NFYC: variants seen among roughly 807,000 people sequenced by gnomAD.
NFYC encodes the protein CAAT box DNA-binding protein subunit C.
NFYC carries 25 observed loss-of-function variants against 53.1 expected under a neutral mutation model. The observed-to-expected ratio is 0.47, with a 90% CI of 0.34 to 0.66. The LOEUF is 0.66. NFYC is among the 30% of genes least tolerant of loss of function. The pLI, the probability that NFYC is intolerant of heterozygous loss-of-function variation, is 0.01. For synonymous variants in NFYC, 145 were observed against 152.6 expected (o/e 0.95, Z 0.37); for missense variants, 260 against 422.7 (o/e 0.62, Z 3.38).
At chr1:40,704,351 G>A (rs1383831840) in intron 1 of NFYC, among the ~76,000 whole-genome samples, 1 of 152,204 alleles carries the variant, frequency 6.6e-6, no homozygotes, top group Non-Finnish European at 1.5e-5. Flanking sequence ...TATTACAGGC[G>A]TGAGCCACAG....
chr1:40,740,993 A>G (rs1645310742), intron 2 of NFYC, among the ~76,000 whole-genome samples: 1 of 151,854 alleles, frequency 6.6e-6, no homozygotes, highest in Non-Finnish European at 1.5e-5. Flanking sequence ...TTAAATGTAC[A>G]GTTCAGAAGT....
rs1309876489 is a variant in NFYC at position 40,771,569 on chromosome 1, G to C, written c.*741G>C. 1.1e-5 allele frequency: 4 copies of C among 360,722 alleles called. No homozygotes were observed. The highest frequency in any genetic ancestry group is 2.3e-5 in the Non-Finnish European group (4 of 172,702). 22.3% of individuals were successfully genotyped at this position (360,722 alleles called of 1,614,324 possible). A position where few individuals can be genotyped will look rare whatever the true frequency, so the allele number is the denominator to read the frequency against. On this transcript the variant is annotated 3_prime_UTR_variant, in exon 10 of 10. Coordinates refer to ENST00000447388, the MANE Select transcript of NFYC (RefSeq NM_014223.5). ...CTAGTCTCCTTTGCATGGACTTCAA[G>C]CTGCATGAAATGCAATAAATCTCAT...
chr1:40,732,371 G>T (rs1236109057), intron 1 of NFYC, among the ~76,000 whole-genome samples: 2 of 152,190 alleles, frequency 1.3e-5, no homozygotes, highest in Admixed American at 1.3e-4. Context: ...CCATGCCCAG[G>T]CATATCACTA....
At chr1:40,725,048 GA>G (rs1366910455) in intron 1 of NFYC, among the ~76,000 whole-genome samples, 1 of 152,168 alleles carries the variant, frequency 6.6e-6, no homozygotes, top group Non-Finnish European at 1.5e-5. Context: ...TTATAGTAGT[GA>G]AGACTATTCA....
intron 5 of NFYC, among the ~76,000 whole-genome samples, chr1:40,754,656 A>C (rs1459274174): frequency 6.6e-6 from 1 of 152,124 alleles, no homozygotes; most frequent in African/African-American, 2.4e-5. Context: ...CCCCTTTAAA[A>C]CAAGATTGTG....
intron 1 of NFYC, among the ~76,000 whole-genome samples, chr1:40,706,665 TAATG>T (rs1643705931): frequency 6.6e-6 from 1 of 151,900 alleles, no homozygotes; most frequent in Non-Finnish European, 1.5e-5. Context: ...TAAAAAAAAA[TAATG>T]AAAAGAAAAG....
Position 40,762,912 on chromosome 1 carries a change from G to A in NFYC, c.586G>A (p.Gly196Arg), listed in dbSNP as rs1453813861. Reference sequence around the variant, plus strand: ...GACCACACCTGTGACAATGCAGGTTGGAGAAGGTCAGCAGGTGCAGATTGT... The same window carrying A: ...GACCACACCTGTGACAATGCAGGTTAGAGAAGGTCAGCAGGTGCAGATTGT... Reference protein sequence around the residue: ...GQTTPVTMQVGEGQQVQIVQA... With the variant: ...GQTTPVTMQVREGQQVQIVQA... Residue 196 changes from glycine (G) to arginine (R), a missense_variant, in exon 7 of 10, where the codon GGA becomes AGA. By Grantham distance (125) the Gly-to-Arg change is moderately radical (BLOSUM62 -2). Coordinates refer to ENST00000447388, the MANE Select transcript of NFYC (RefSeq NM_014223.5). The A allele has an allele frequency of 1.2e-6, 2 of 1,607,172 alleles. No homozygotes were observed. The highest frequency in any genetic ancestry group is 8.5e-7 in the Non-Finnish European group (1 of 1,176,234).
chr1:40,743,295 A>G (rs1645445929), intron 2 of NFYC, among the ~76,000 whole-genome samples: 1 of 152,242 alleles, frequency 6.6e-6, no homozygotes, highest in Admixed American at 6.5e-5. Flanking sequence ...GAAATTAGTT[A>G]AAAACCATAT....
chr1:40,741,248 C>G (rs1645326669), intron 2 of NFYC, among the ~76,000 whole-genome samples: 1 of 151,946 alleles, frequency 6.6e-6, no homozygotes, highest in South Asian at 2.1e-4. Flanking sequence ...ACTTTGAGTA[C>G]CCATTCAACC....
At chr1:40,707,332 A>G (rs962759708) in intron 1 of NFYC, among the ~76,000 whole-genome samples, 4 of 151,536 alleles carry the variant, frequency 2.6e-5, no homozygotes, top group African/African-American at 9.7e-5. Flanking sequence ...TATCTCTACT[A>G]AAAATACAAA....
At chr1:40,720,862 C>G (rs1644302834) in intron 1 of NFYC, among the ~76,000 whole-genome samples, 1 of 152,120 alleles carries the variant, frequency 6.6e-6, no homozygotes, top group African/African-American at 2.4e-5. Flanking sequence ...GAGCAAGACA[C>G]TGTTATTTAA....
chr1:40,751,141 A>G (rs1163300804), intron 4 of NFYC, among the ~76,000 whole-genome samples: 1 of 152,236 alleles, frequency 6.6e-6, no homozygotes, highest in Non-Finnish European at 1.5e-5. Context: ...GTCCATCAAT[A>G]TAGGAATATA....
At chr1:40,692,844 A>G (rs562574434) in intron 1 of NFYC, among the ~76,000 whole-genome samples, 44 of 152,216 alleles carry the variant, frequency 2.9e-4, no homozygotes, top group African/African-American at 1.0e-3. Context: ...TTTAGGGGAC[A>G]TTTTCGGACT....
intron 4 of NFYC, among the ~76,000 whole-genome samples, chr1:40,750,643 C>A (rs1349478124): frequency 6.6e-6 from 1 of 152,176 alleles, no homozygotes; most frequent in Non-Finnish European, 1.5e-5. Context: ...ATGTTGAAGT[C>A]ACAAAATTTA....
At chr1:40,755,199 C>G (rs1646144483) in intron 5 of NFYC, among the ~76,000 whole-genome samples, 1 of 152,212 alleles carries the variant, frequency 6.6e-6, no homozygotes, top group South Asian at 2.1e-4. Context: ...TTGCACAACA[C>G]TGTAGAGATG....
At chr1:40,719,352 A>G (rs1644252986) in intron 1 of NFYC, among the ~76,000 whole-genome samples, 1 of 152,260 alleles carries the variant, frequency 6.6e-6, no homozygotes, top group Non-Finnish European at 1.5e-5. Flanking sequence ...ACTGCATAGA[A>G]TTTAGCCAGG....
At chr1:40,735,227 G>A (rs561820612) in intron 1 of NFYC, 2 of 149,438 alleles carry the variant, frequency 1.3e-5, no homozygotes, top group South Asian at 4.2e-4. Flanking sequence ...GCAGTAAAAT[G>A]TAAAGGATAT....
At chr1:40,727,618 C>T (rs1180302200) in intron 1 of NFYC, among the ~76,000 whole-genome samples, 2 of 151,554 alleles carry the variant, frequency 1.3e-5, no homozygotes, top group African/African-American at 4.9e-5. Flanking sequence ...GCAACCTCCG[C>T]CTCCCAGATT....
At chr1:40,696,761 A>G (rs1198100651) in intron 1 of NFYC, among the ~76,000 whole-genome samples, 2 of 152,212 alleles carry the variant, frequency 1.3e-5, no homozygotes, top group East Asian at 3.8e-4. Context: ...TTTGCCAGTA[A>G]GTTGTTCTTT....
Sources: gnomAD v4.1 joint callset for allele counts (sites outside exome capture counted in the v4.1 genomes callset) on GRCh38, gnomAD v4.1.1 for gene constraint, MANE v1.5 for transcripts, NCBI Gene and HGNC (gene_info 2026-07-23, HGNC 2026-07-21) for gene names.